The following PHRF1 variants were observed in gnomAD, a reference collection of about 807,000 sequenced individuals.
PHRF1 encodes PHD and ring finger domains 1, also known as PHD and RING finger domain-containing protein 1.
A neutral mutation model predicts 128.9 loss-of-function variants in PHRF1; 53 were observed. The ratio of observed to expected loss-of-function variants is 0.41; its 90% CI spans 0.33 to 0.52. PHRF1 has a LOEUF of 0.52. PHRF1 is among the 20% of genes least tolerant of loss of function. The pLI, the probability that PHRF1 is intolerant of heterozygous loss-of-function variation, is 0.21. For synonymous variants in PHRF1, 1,178 were observed against 980.6 expected (o/e 1.20, Z -3.76); for missense variants, 2,503 against 2,284.5 (o/e 1.10, Z -1.95).
At position 609,436 on chromosome 11, in the gene PHRF1, A is replaced by G. The variant is rs755269942; in HGVS notation, c.3980A>G (p.His1327Arg). Residue 1327 changes from histidine to arginine, a missense_variant, in exon 14 of 18, where the codon CAC becomes CGC. By Grantham distance (29) the His-to-Arg change is conservative (BLOSUM62 0). Coordinates refer to ENST00000264555, the MANE Select transcript of PHRF1 (RefSeq NM_001286581.2). ...ATCCAGAGGGAGGTGTCATTGATGC[A>G]CGATGAAGACCCTTCGCAGCCCCCA... ...AAIQREVSLM[H>R]DEDPSQPPPL... 6.2e-7 allele frequency: 1 copy of G among 1,607,962 alleles called. No individual in the cohort carries two copies. The highest frequency in any genetic ancestry group is 8.5e-7 in the Non-Finnish European group (1 of 1,179,748).
Position 609,667 on chromosome 11 carries a change from C to A in PHRF1, c.4211C>A (p.Thr1404Asn). ...TCCAGAGCCCTGGTGAAGCGGGTCACCTGGAACCTGCAGGAGTCGGAGAGC... is the reference window on the plus strand; with the variant it reads ...TCCAGAGCCCTGGTGAAGCGGGTCAACTGGAACCTGCAGGAGTCGGAGAGC... ...LRSRALVKRV[T>N]WNLQESESSA... Residue 1404 changes from threonine to asparagine, a missense_variant, in exon 14 of 18, where the codon ACC becomes AAC. Coordinates refer to ENST00000264555, the MANE Select transcript of PHRF1 (RefSeq NM_001286581.2). 6.4e-7 allele frequency: 1 copy of A among 1,555,996 alleles called. No homozygotes were observed. The highest frequency in any genetic ancestry group is 8.7e-7 in the Non-Finnish European group (1 of 1,153,604).
chr11:606,687 A>C, intron 13 of PHRF1, 91 bp downstream of exon 13: 2 of 1,464,572 alleles, frequency 1.4e-6, no homozygotes, highest in Non-Finnish European at 1.8e-6. Flanking sequence ...CAGTCACGGA[A>C]GATGTAGCTG....
At chr11:581,839 C>G in intron 2 of PHRF1, 123 bp from the exon 3 acceptor site, 1 of 1,389,802 alleles carries the variant, frequency 7.2e-7, no homozygotes, top group Non-Finnish European at 9.5e-7. Context: ...CTTGCCGGCC[C>G]TGGGGAAGCC....
chr11:586,022 C>T (rs887525743), intron 3 of PHRF1, among the ~76,000 whole-genome samples: 4 of 151,918 alleles, frequency 2.6e-5, no homozygotes, highest in Non-Finnish European at 1.5e-5. Flanking sequence ...CCACCACACC[C>T]GGCTATTTTT....
chr11:583,147 T>C (rs532726994), intron 3 of PHRF1, among the ~76,000 whole-genome samples: 2,354 of 151,586 alleles, frequency 0.016, 56 homozygotes, highest in African/African-American at 0.054. Flanking sequence ...GAGACCATTG[T>C]GGCTAACATG....
intron 2 of PHRF1, 134 bp from the exon 3 acceptor site, chr11:581,828 C>T (rs932818243): frequency 7.5e-7 from 1 of 1,325,938 alleles, no homozygotes; most frequent in Non-Finnish European, 1.0e-6. Context: ...TGTGCCCCCA[C>T]CTTGCCGGCC....
In PHRF1 at chr11:598,555, C is replaced by T. The variant is rs570898890; in HGVS notation, c.1024+53C>T. 2.0e-5 allele frequency: 32 copies of T among 1,561,030 alleles called. No homozygotes were observed. The East Asian group carries it at 4.6e-4, about 23-fold the overall frequency. On this transcript the variant is annotated intron_variant, in intron 9 of 17. Transcript: ENST00000264555. ...CCAGCCACAGGCTGGGACCCACGCCCGAGGTCCACTCACTGCTTCCCTCAA... is the reference window on the plus strand; with the variant it reads ...CCAGCCACAGGCTGGGACCCACGCCTGAGGTCCACTCACTGCTTCCCTCAA...
chr11:607,498 G>C lies in PHRF1; in HGVS notation c.2042G>C (p.Arg681Thr), dbSNP rs750441117. Residue 681 changes from arginine (R) to threonine (T), a missense_variant, in exon 14 of 18, where the codon AGG becomes ACG. Coordinates refer to ENST00000264555, the MANE Select transcript of PHRF1 (RefSeq NM_001286581.2). ...PRRTDISELPRIPKIRRDDGG... is the reference protein window; with the variant it reads ...PRRTDISELPTIPKIRRDDGG... ...AGAACAGACATCTCTGAGCTACCCA[G>C]GATACCAAAGATCAGGAGAGATGAC... The C allele has an allele frequency of 3.1e-6, 5 of 1,612,730 alleles. No individual in the cohort carries two copies. In the East Asian group the frequency reaches 1.1e-4, roughly 36 times the overall value.
chr11:596,368 T>C (rs1342053066), intron 6 of PHRF1, among the ~76,000 whole-genome samples: 1 of 152,158 alleles, frequency 6.6e-6, no homozygotes, highest in Non-Finnish European at 1.5e-5. Context: ...ACCTTCGCCT[T>C]CTTCAGTGGC....
Position 611,031 on chromosome 11 carries a change from G to A in PHRF1, c.4755G>A (p.Arg1585=). Residue 1585 remains arginine (R), a synonymous_variant, in exon 17 of 18, where the codon AGG becomes AGA. Coordinates refer to ENST00000264555, the MANE Select transcript of PHRF1 (RefSeq NM_001286581.2). ...CCATCAAGCCCTTCTACCAGAAGAG[G>A]GAGGTGACCAAGGAGGAGTACAAGG... is the stretch of plus-strand genomic sequence containing the variant. The part of the protein sequence containing the change: ...KLAIKPFYQK[R]EVTKEEYKDI... 1.9e-6 allele frequency: 3 copies of A among 1,613,478 alleles called. No homozygotes were observed. Among genetic ancestry groups the A allele is most frequent in the Non-Finnish European group, 2.5e-6 (3 of 1,179,812 alleles).
chr11:580,878 G>GCTA (rs1854162487), intron 1 of PHRF1, among the ~76,000 whole-genome samples: 1 of 152,036 alleles, frequency 6.6e-6, no homozygotes, highest in South Asian at 2.1e-4. Context: ...TAGTAGAGAC[G>GCTA]GGGTTTCATC....
At position 608,964 on chromosome 11, in the gene PHRF1, C is replaced by A; in HGVS notation, c.3508C>A (p.His1170Asn). ...GAGGTCCCGGTCCCCAAGCTCGGAG[C>A]ACAGGGCACGGGAGCACAGGCGGCC... The part of the protein sequence containing the change: ...KRRSRSPSSE[H>N]RAREHRRPRS... The change falls in exon 14 of 18, where the codon CAC (histidine) becomes AAC (asparagine). Residue 1170 changes from histidine to asparagine, a missense_variant. Physicochemically the swap from His to Asn is moderately conservative, Grantham distance 68. Transcript: ENST00000264555. 3.7e-6 allele frequency: 6 copies of A among 1,609,642 alleles called. No individual in the cohort carries two copies. Among genetic ancestry groups the A allele is most frequent in the Non-Finnish European group, 5.1e-6 (6 of 1,178,916 alleles).
intron 2 of PHRF1, 21 bp downstream of exon 2, chr11:581,627 T>C (rs372777919): frequency 1.3e-6 from 2 of 1,595,920 alleles, no homozygotes; most frequent in East Asian, 2.3e-5. Context: ...TAGCGCCGGG[T>C]AGGGGCGTCC....
chr11:581,866 G>T (rs1854224031), intron 2 of PHRF1, 96 bp from the exon 3 acceptor site: 3 of 1,449,750 alleles, frequency 2.1e-6, no homozygotes, highest in Non-Finnish European at 2.7e-6. Flanking sequence ...CGTTTGGCAG[G>T]TGCTCCTGAC....
In PHRF1 at chr11:608,446, C is replaced by T; in HGVS notation, c.2990C>T (p.Ser997Phe). 2 of 1,612,422 alleles carry T rather than the reference C, an allele frequency of 1.2e-6. No individual in the cohort carries two copies. Among genetic ancestry groups the T allele is most frequent in the Non-Finnish European group, 1.7e-6 (2 of 1,179,800 alleles). ...CCCCCTTCCCGGTCCCGCTCCACAT[C>T]CAGCTCCCGCAGCAGGAAGAAGGCC... ...LRPPSRSRSTSSSRSRKKAKR... is the reference protein window; with the variant it reads ...LRPPSRSRSTFSSRSRKKAKR... Residue 997 changes from serine (S) to phenylalanine (F), a missense_variant, in exon 14 of 18, where the codon TCC (serine) becomes TTC (phenylalanine). Physicochemically the swap from Ser to Phe is radical, Grantham distance 155. Transcript: ENST00000264555.
chr11:597,852 G>C lies in PHRF1; in HGVS notation c.894+282G>C, dbSNP rs1416926644. ...TCTAGGAAACCCCCCTTGTTCCCCA[G>C]GCCCCATGCCAGCACCGCTCCCTCT... On this transcript the variant is annotated intron_variant, in intron 8 of 17. Transcript: ENST00000264555. The surrounding 1 kb of genome is among the most constrained non-coding windows in gnomAD (Gnocchi z 6.5). Among the ~76,000 whole-genome samples, 1 of 152,152 alleles carries C rather than the reference G, an allele frequency of 6.6e-6. No homozygotes were observed. Among genetic ancestry groups the C allele is most frequent in the East Asian group, 1.9e-4 (1 of 5,196 alleles).
chr11:583,947 C>T (rs1052880723), intron 3 of PHRF1, among the ~76,000 whole-genome samples: 1 of 152,302 alleles, frequency 6.6e-6, no homozygotes, highest in Middle Eastern at 3.4e-3. Context: ...CACCCTTGGG[C>T]TGGAAAATCC....
chr11:588,435 A>G lies in PHRF1; in HGVS notation c.420+971A>G, dbSNP rs1043269506. 2.0e-5 allele frequency among the ~76,000 whole-genome samples: 3 copies of G among 151,470 alleles called. No individual in the cohort carries two copies. The South Asian group carries it at 6.2e-4, about 31-fold the overall frequency. ...GTTCTTGTTGCCCAGGCTGGAGTGC[A>G]ATGGCGCGATCTTGGCTCACCACAA... On this transcript the variant is annotated intron_variant, in intron 4 of 17. Coordinates refer to ENST00000264555, the MANE Select transcript of PHRF1 (RefSeq NM_001286581.2).
chr11:597,327 A>T lies in PHRF1; in HGVS notation c.719-68A>T. On this transcript the variant is annotated intron_variant, in intron 7 of 17. Coordinates refer to ENST00000264555, the MANE Select transcript of PHRF1 (RefSeq NM_001286581.2). This position sits in a 1 kb window ranked among gnomAD's most constrained non-coding sequence, Gnocchi z 6.5. ...GGGCTGCTACTTGGCCGGCAGCCAC[A>T]GGGGGAGCCGTTGGGGGAGGCGTGT... is the stretch of plus-strand genomic sequence containing the variant. The T allele has an allele frequency of 6.5e-7, 1 of 1,544,590 alleles. No individual in the cohort carries two copies. The highest frequency in any genetic ancestry group is 8.8e-7 in the Non-Finnish European group (1 of 1,141,686).
Sources: gnomAD v4.1 joint callset for allele counts (sites outside exome capture counted in the v4.1 genomes callset) on GRCh38, gnomAD v4.1.1 for gene constraint, Gnocchi (gnomAD v3.1) non-coding constraint, MANE v1.5 for transcripts, NCBI Gene and HGNC (gene_info 2026-07-23, HGNC 2026-07-21) for gene names.